The following ITGB5 variants were observed in gnomAD, a reference collection of about 807,000 sequenced individuals.
The protein encoded by ITGB5 is integrin subunit beta 5, also known as integrin beta-5.
Under a neutral mutation model 84.8 loss-of-function variants are expected in ITGB5, and 38 were observed. The ratio of observed to expected loss-of-function variants is 0.45; its 90% CI spans 0.35 to 0.59. The LOEUF is 0.59. Ranked by LOEUF, ITGB5 falls within the 20% of genes least tolerant of loss-of-function variation. The pLI is 0.01. For missense variants in ITGB5, 905 were observed against 1,034.5 expected, an observed-to-expected ratio of 0.87 and a Z score of 1.72; for synonymous variants, 393 against 414.4, an observed-to-expected ratio of 0.95 and a Z score of 0.63.
At position 124,796,568 on chromosome 3, in the gene ITGB5, T is replaced by G; in HGVS notation, c.1513A>C (p.Asn505His). 3 of 1,614,082 alleles carry G rather than the reference T, an allele frequency of 1.9e-6. No individual in the cohort carries two copies. Among genetic ancestry groups the G allele is most frequent in the Non-Finnish European group, 2.5e-6 (3 of 1,180,020 alleles). Reference sequence around the variant, plus strand: ...CACAGGTTCTGGTACACGCTCTGGTTCTCCCCATCCTGGCACTCGCACCTG... The same window carrying G: ...CACAGGTTCTGGTACACGCTCTGGTGCTCCCCATCCTGGCACTCGCACCTG... The part of the protein sequence containing the change: ...GTRCECQDGE[N>H]QSVYQNLCRE... The change falls in exon 10 of 15, where the codon AAC becomes CAC. Residue 505 changes from asparagine (N) to histidine (H), a missense_variant. Asn to His is a moderately conservative substitution (Grantham distance 68). Coordinates refer to ENST00000296181, the MANE Select transcript of ITGB5 (RefSeq NM_002213.5).
At chr3:124,766,023 G>C (rs1308515485) in intron 13 of ITGB5, among the ~76,000 whole-genome samples, 1 of 147,374 alleles carries the variant, frequency 6.8e-6, no homozygotes, top group African/African-American at 2.6e-5. Context: ...TGGCACCACT[G>C]CACTCTAGCC....
intron 12 of ITGB5, 105 bp downstream of exon 12, chr3:124,768,905 GTTA>G (rs759796526): frequency 9.1e-6 from 7 of 766,850 alleles, no homozygotes; most frequent in Admixed American, 2.3e-5. Flanking sequence ...GGAGCCCACA[GTTA>G]TGCCCAGGAA....
At chr3:124,887,637 C>T (rs559541965), upstream of ITGB5, 3 of 442,218 alleles carry the variant, frequency 6.8e-6, no homozygotes, top group Non-Finnish European at 1.4e-5. Context: ...GAGTAGAGCC[C>T]GCTCCCGTTG....
intron 10 of ITGB5, among the ~76,000 whole-genome samples, chr3:124,781,655 G>T (rs2064007652): frequency 6.6e-6 from 1 of 152,178 alleles, no homozygotes; most frequent in Non-Finnish European, 1.5e-5. Flanking sequence ...TGGGTTTCCT[G>T]CGCTTGTAAA....
intron 2 of ITGB5, among the ~76,000 whole-genome samples, chr3:124,871,421 C>A (rs1280063132): frequency 6.6e-6 from 1 of 152,156 alleles, no homozygotes; most frequent in African/African-American, 2.4e-5. Context: ...GTCTCGAACT[C>A]CTGACCTTGT....
At chr3:124,886,849 C>T (rs1934837117) in intron 1 of ITGB5, 82 bp downstream of exon 1, 5 of 886,926 alleles carry the variant, frequency 5.6e-6, no homozygotes, top group Non-Finnish European at 7.3e-6. Context: ...GCACCGCCTG[C>T]GCTCCCCGCC....
At chr3:124,775,217 AGT>A (rs748075474) in intron 10 of ITGB5, among the ~76,000 whole-genome samples, 2 of 151,886 alleles carry the variant, frequency 1.3e-5, no homozygotes, top group African/African-American at 2.4e-5. Context: ...TGAGAAAGCG[AGT>A]GTGAGTGTGT....
At chr3:124,821,248 C>T in intron 6 of ITGB5, 65 bp downstream of exon 6, 1 of 1,537,914 alleles carries the variant, frequency 6.5e-7, no homozygotes, top group Non-Finnish European at 8.8e-7. Context: ...TGGGCAAGTA[C>T]TAAGACCACG....
intron 10 of ITGB5, among the ~76,000 whole-genome samples, chr3:124,793,479 G>A (rs2064178195): frequency 6.6e-6 from 1 of 152,236 alleles, no homozygotes; most frequent in Admixed American, 6.5e-5. Context: ...GGACTGTCTG[G>A]GGGAAGGCGG....
rs68025034 is a variant in ITGB5, at chr3:124,898,643, C to CAAAAAAAAAAAAAAAAAAAA, written c.-255+2603_-255+2622dup. Among the ~76,000 whole-genome samples, 7 of 29,272 alleles carry CAAAAAAAAAAAAAAAAAAAA rather than the reference C, an allele frequency of 2.4e-4. 1 individual carries two copies. The highest frequency in any genetic ancestry group is 4.4e-4 in the Non-Finnish European group (7 of 15,940). The allele number at this position is 29,272 out of a possible 152,430, so 19.2% of individuals were successfully genotyped here. A position where few individuals can be genotyped will look rare whatever the true frequency, so the allele number is the denominator to read the frequency against. On this transcript the variant is annotated intron_variant, in intron 1 of 4. Transcript: ENST00000608657. ...TAGGCGACACAGCGAGACTCCGTCT[C>CAAAAAAAAAAAAAAAAAAAA]AAAAAAAAAAAAAAAAAAAAAAAAA...
Position 124,796,569 on chromosome 3 carries a change from C to T in ITGB5, c.1512G>A (p.Glu504=). ...LGTRCECQDG[E]NQSVYQNLCR... is the part of the protein sequence containing the mutation. Reference sequence around the variant, plus strand: ...ACAGGTTCTGGTACACGCTCTGGTTCTCCCCATCCTGGCACTCGCACCTGG... The same window carrying T: ...ACAGGTTCTGGTACACGCTCTGGTTTTCCCCATCCTGGCACTCGCACCTGG... Residue 504 remains glutamate (E), a synonymous_variant, in exon 10 of 15, where the codon GAG becomes GAA. Transcript: ENST00000296181. The T allele has an allele frequency of 6.2e-7, 1 of 1,614,156 alleles. No homozygotes were observed. Among genetic ancestry groups the T allele is most frequent in the Non-Finnish European group, 8.5e-7 (1 of 1,180,036 alleles).
chr3:124,795,280 C>T (rs965763313), intron 10 of ITGB5, among the ~76,000 whole-genome samples: 16 of 151,834 alleles, frequency 1.1e-4, no homozygotes, highest in African/African-American at 3.4e-4. Context: ...CTTGAGATCA[C>T]GAGTTCAAGA....
intron 2 of ITGB5, among the ~76,000 whole-genome samples, chr3:124,866,251 G>A (rs572162232): frequency 2.6e-5 from 4 of 152,174 alleles, no homozygotes; most frequent in African/African-American, 7.2e-5. Flanking sequence ...CCAAAGTGCT[G>A]GGATTACAGG....
intron 2 of ITGB5, among the ~76,000 whole-genome samples, chr3:124,861,063 C>T (rs906098778): frequency 1.3e-5 from 2 of 151,370 alleles, no homozygotes; most frequent in Non-Finnish European, 2.9e-5. Context: ...AAGAGCCTGT[C>T]TCAGAAAAAC....
At chr3:124,881,436 C>T (rs1046910287) in intron 1 of ITGB5, among the ~76,000 whole-genome samples, 1 of 152,090 alleles carries the variant, frequency 6.6e-6, no homozygotes, top group African/African-American at 2.4e-5. Context: ...CCAGCTGCAG[C>T]CCCCAGTCTC....
chr3:124,771,748 CA>C (rs59189728), intron 11 of ITGB5, among the ~76,000 whole-genome samples: 1,607 of 69,166 alleles, frequency 0.023, 39 homozygotes, highest in African/African-American at 0.068. Flanking sequence ...GACCCTGTCT[CA>C]AAAAAAAAAA....
intron 5 of ITGB5, among the ~76,000 whole-genome samples, chr3:124,829,324 C>T (rs1033591975): frequency 9.8e-5 from 15 of 152,330 alleles, no homozygotes; most frequent in African/African-American, 3.6e-4. Context: ...CTAAACATGA[C>T]AGAGGTCAGC....
intron 12 of ITGB5, among the ~76,000 whole-genome samples, chr3:124,768,535 G>A (rs1446592446): frequency 2.6e-5 from 4 of 152,310 alleles, no homozygotes; most frequent in Non-Finnish European, 4.4e-5. Context: ...TCCGCACTGT[G>A]GTCAGGCCTC....
At position 124,778,610 on chromosome 3, in the gene ITGB5, G is replaced by A. The variant is rs549003434; in HGVS notation, c.1694-4698C>T. Among the ~76,000 whole-genome samples the A allele has an allele frequency of 3.9e-5, 6 of 152,354 alleles. No homozygotes were observed. In the East Asian group the frequency reaches 5.8e-4, roughly 15 times the overall value. On this transcript the variant is annotated intron_variant, in intron 10 of 14. Coordinates refer to ENST00000296181, the MANE Select transcript of ITGB5 (RefSeq NM_002213.5). The stretch of plus-strand genomic sequence containing the variant: ...GTGTAAGGAGGTGGTGACAGTGAGC[G>A]TAGGGGACTCCCACAGGTAACCTAG...
Sources: gnomAD v4.1 joint callset for allele counts (sites outside exome capture counted in the v4.1 genomes callset) on GRCh38, gnomAD v4.1.1 for gene constraint, MANE v1.5 for transcripts, NCBI Gene and HGNC (gene_info 2026-07-23, HGNC 2026-07-21) for gene names.